Variants in NCOA2 observed in about 807,000 individuals in gnomAD.
NCOA2 encodes nuclear receptor coactivator 2, also known as class E basic helix-loop-helix protein 75.
A neutral mutation model predicts 145.1 loss-of-function variants in NCOA2; 21 were observed. The ratio of observed to expected loss-of-function variants is 0.14; its 90% confidence interval spans 0.10 to 0.21. NCOA2 has a LOEUF of 0.21. NCOA2 is among the 10% of genes least tolerant of loss of function. The pLI is 1.00. For missense variants in NCOA2, 1,472 were observed against 1,837.6 expected, an observed-to-expected ratio of 0.80 and a Z score of 3.64; for synonymous variants, 619 against 637.5, an observed-to-expected ratio of 0.97 and a Z score of 0.44.
the NCOA2 span, among the ~76,000 whole-genome samples, chr8:70,414,352 C>G: frequency 6.6e-6 from 1 of 152,138 alleles, no homozygotes; most frequent in East Asian, 1.9e-4. Context: ...TGTTTCTCTC[C>G]CTTTTTAATA....
At position 70,159,550 on chromosome 8, in the gene NCOA2, G is replaced by C; in HGVS notation, c.1079C>G (p.Thr360Ser). The stretch of plus-strand genomic sequence containing the variant: ...TATTACAAGTTGAGGTTCATTAGTA[G>C]TCTGAGAACGGATGAGTTTGCTCTT... ...QTKSKLIRSQ[T>S]TNEPQLVISL... Residue 360 changes from threonine to serine, a missense_variant, in exon 10 of 23, where the codon ACT (threonine) becomes AGT (serine). Transcript: ENST00000452400. 1 of 1,611,604 alleles carries C rather than the reference G, an allele frequency of 6.2e-7. No individual in the cohort carries two copies. The highest frequency in any genetic ancestry group is 8.5e-7 in the Non-Finnish European group (1 of 1,177,954).
chr8:70,210,389 G>A (rs1055358919), intron 4 of NCOA2, among the ~76,000 whole-genome samples: 1 of 151,756 alleles, frequency 6.6e-6, no homozygotes, highest in East Asian at 1.9e-4. Flanking sequence ...TATGAATGTC[G>A]GCCAAAAAAA....
intron 2 of NCOA2, among the ~76,000 whole-genome samples, chr8:70,236,791 T>A (rs1392764402): frequency 6.6e-6 from 1 of 152,186 alleles, no homozygotes; most frequent in Admixed American, 6.6e-5. Flanking sequence ...TTAAAGTATA[T>A]GGGAGGATGC....
At chr8:70,182,167 G>C (rs1238409660) in intron 4 of NCOA2, among the ~76,000 whole-genome samples, 1 of 152,206 alleles carries the variant, frequency 6.6e-6, no homozygotes, top group Non-Finnish European at 1.5e-5. Flanking sequence ...TCAAGCTGCT[G>C]AAGTCTCCTG....
At chr8:70,313,185 C>A (rs1440745671) in intron 1 of NCOA2, among the ~76,000 whole-genome samples, 1 of 152,096 alleles carries the variant, frequency 6.6e-6, no homozygotes, top group Non-Finnish European at 1.5e-5. Context: ...TATAAAATAG[C>A]AAATGATGAG....
rs906835497 is a variant in NCOA2, at chr8:70,112,228, A to G, written c.*1404T>C. 3 of 202,516 alleles carry G rather than the reference A, an allele frequency of 1.5e-5. No homozygotes were observed. The highest frequency in any genetic ancestry group is 6.9e-5 in the African/African-American group (3 of 43,646). 12.5% of individuals were successfully genotyped at this position (202,516 alleles called of 1,614,324 possible). A position where few individuals can be genotyped will look rare whatever the true frequency, so the allele number is the denominator to read the frequency against. On this transcript the variant is annotated 3_prime_UTR_variant, in exon 23 of 23. Transcript: ENST00000452400. ...TTAAGTCTACAAATTAGGTCTAATC[A>G]AGGCATTGATATCCTTTACAAAACA...
intron 2 of NCOA2, among the ~76,000 whole-genome samples, chr8:70,294,663 T>C (rs2135719904): frequency 6.6e-6 from 1 of 152,270 alleles, no homozygotes; most frequent in Non-Finnish European, 1.5e-5. Flanking sequence ...ACTACAATTG[T>C]TGTCACAAAT....
At chr8:70,126,198 G>A (rs1437677713) in intron 19 of NCOA2, among the ~76,000 whole-genome samples, 1 of 152,094 alleles carries the variant, frequency 6.6e-6, no homozygotes, top group Non-Finnish European at 1.5e-5. Flanking sequence ...AACATGACAT[G>A]CACACAAATA....
At chr8:70,378,835 A>C (rs1471954606) in intron 1 of NCOA2, among the ~76,000 whole-genome samples, 1 of 152,022 alleles carries the variant, frequency 6.6e-6, no homozygotes, top group Non-Finnish European at 1.5e-5. Context: ...GTAATTGTGA[A>C]CACATATACA....
intron 1 of NCOA2, among the ~76,000 whole-genome samples, chr8:70,351,730 C>A (rs565410873): frequency 6.7e-6 from 1 of 150,194 alleles, no homozygotes; most frequent in East Asian, 2.0e-4. Context: ...GGACTATAGG[C>A]ACACACCACC....
chr8:70,300,042 T>C (rs1456246137), intron 1 of NCOA2, among the ~76,000 whole-genome samples: 2 of 152,146 alleles, frequency 1.3e-5, no homozygotes, highest in African/African-American at 4.8e-5. Flanking sequence ...ACACACACTG[T>C]ATTGTATGAT....
chr8:70,113,754 T>G, intron 22 of NCOA2, 111 bp from the exon 23 acceptor site: 1 of 1,051,822 alleles, frequency 9.5e-7, no homozygotes, highest in Non-Finnish European at 1.4e-6. Flanking sequence ...ATAAAGCAAA[T>G]CACAGAGGCC....
intron 2 of NCOA2, among the ~76,000 whole-genome samples, chr8:70,264,227 A>G (rs200069911): frequency 9.9e-4 from 150 of 151,178 alleles, no homozygotes; most frequent in African/African-American, 1.6e-3. Context: ...AAAAAAAAAA[A>G]GGGGGATTGA....
chr8:70,317,319 A>AT (rs1469810955), intron 1 of NCOA2, among the ~76,000 whole-genome samples: 2 of 152,324 alleles, frequency 1.3e-5, no homozygotes, highest in East Asian at 1.9e-4. Flanking sequence ...GAGCTGTTAG[A>AT]TTAACCAGAC....
chr8:70,231,516 G>A (rs914358142), intron 2 of NCOA2, among the ~76,000 whole-genome samples: 8 of 152,146 alleles, frequency 5.3e-5, no homozygotes, highest in African/African-American at 9.7e-5. Flanking sequence ...TCCTGGCTCC[G>A]CCCCAGACCA....
chr8:70,224,097 T>C (rs185118624), intron 2 of NCOA2, among the ~76,000 whole-genome samples: 3 of 152,352 alleles, frequency 2.0e-5, no homozygotes, highest in South Asian at 2.1e-4. Context: ...GAGAAAGTCA[T>C]GACAAAACAG....
At chr8:70,357,773 G>A (rs760176863) in intron 1 of NCOA2, among the ~76,000 whole-genome samples, 26 of 150,436 alleles carry the variant, frequency 1.7e-4, no homozygotes, top group Non-Finnish European at 5.9e-5. Flanking sequence ...GGAAGATGCC[G>A]AGCACAGTGG....
At chr8:70,283,956 G>C (rs1826061394) in intron 2 of NCOA2, among the ~76,000 whole-genome samples, 1 of 151,996 alleles carries the variant, frequency 6.6e-6, no homozygotes, top group Non-Finnish European at 1.5e-5. Context: ...CTTTTCTCCA[G>C]GTTTACAATA....
chr8:70,173,325 C>A (rs1239810805), intron 5 of NCOA2, among the ~76,000 whole-genome samples: 1 of 152,158 alleles, frequency 6.6e-6, no homozygotes. Context: ...ATGTTCCCCC[C>A]ACCCCAAGAT....
Sources: allele counts gnomAD v4.1 joint callset (sites outside exome capture counted in the v4.1 genomes callset), GRCh38; gene constraint gnomAD v4.1.1; transcripts MANE v1.5; gene names NCBI Gene and HGNC (gene_info 2026-07-23, HGNC 2026-07-21).